Variants in CUX1 observed in about 807,000 individuals in gnomAD.
The protein encoded by CUX1 is protein CASP.
Under a neutral mutation model 158.8 loss-of-function variants are expected in CUX1, and 31 were observed. The observed-to-expected ratio is 0.20, with a 90% CI of 0.15 to 0.26. CUX1 has a LOEUF of 0.26. Ranked by LOEUF, CUX1 falls within the 10% of genes least tolerant of loss-of-function variation. The pLI is 1.00. For synonymous variants in CUX1, 879 were observed against 862.1 expected (o/e 1.02, Z -0.34); for missense variants, 1,589 against 2,014.6 (o/e 0.79, Z 4.04).
rs1423267565 is a variant in CUX1 at position 101,943,354 on chromosome 7, G to A, written c.141+27129G>A. The stretch of plus-strand genomic sequence containing the variant: ...ACTCCTGAGCTCAAGTGATCCACCC[G>A]CCGTGGCCTCCCAAAGTTCTGGGAT... On this transcript the variant is annotated intron_variant, in intron 2 of 23. Transcript: ENST00000292535. Among the ~76,000 whole-genome samples the A allele has an allele frequency of 2.0e-5, 3 of 152,034 alleles. No individual in the cohort carries two copies. In the East Asian group the frequency reaches 5.8e-4, roughly 30 times the overall value.
Position 102,257,363 on chromosome 7 carries a change from T to TTC in CUX1, c.*8323_*8324dup. The TTC allele has an allele frequency of 1.0e-6, 1 of 984,840 alleles. No homozygotes were observed. The highest frequency in any genetic ancestry group is 1.1e-4 in the East Asian group (1 of 8,798). The allele number at this position is 984,840 out of a possible 1,614,324, so 61.0% of individuals were successfully genotyped here. ...ATGCATTTCTCTCTCTCAAACCATCTTCTGCCTCTTCCCTTGAGAAAACGG... is the reference window on the plus strand; with the variant it reads ...ATGCATTTCTCTCTCTCAAACCATCTTCTCTGCCTCTTCCCTTGAGAAAACGG... On this transcript the variant is annotated 3_prime_UTR_variant, in exon 24 of 24. Transcript: ENST00000292535.
chr7:102,159,825 G>C (rs868915747), intron 9 of CUX1, among the ~76,000 whole-genome samples: 1 of 151,072 alleles, frequency 6.6e-6, no homozygotes, highest in Non-Finnish European at 1.5e-5. Context: ...CTAAGCCTGG[G>C]CAACAGAGCA....
At chr7:102,198,372 G>A (rs1457456315) in intron 15 of CUX1, among the ~76,000 whole-genome samples, 1 of 152,242 alleles carries the variant, frequency 6.6e-6, no homozygotes, top group African/African-American at 2.4e-5. Context: ...GAAACACCCT[G>A]AAATTTAGAC....
At chr7:101,833,955 G>A (rs1250018404) in intron 1 of CUX1, among the ~76,000 whole-genome samples, 1 of 152,044 alleles carries the variant, frequency 6.6e-6, no homozygotes, top group African/African-American at 2.4e-5. Flanking sequence ...CACGAGTACC[G>A]AGTAGGTGGG....
At chr7:101,836,140 C>T (rs766966402) in intron 1 of CUX1, among the ~76,000 whole-genome samples, 6 of 152,158 alleles carry the variant, frequency 3.9e-5, no homozygotes, top group Admixed American at 1.3e-4. Flanking sequence ...AGCCATTAGC[C>T]GTCGCTACCT....
chr7:102,271,269 A>C (rs1164316417), intron 14 of CUX1, among the ~76,000 whole-genome samples: 1 of 152,084 alleles, frequency 6.6e-6, no homozygotes, highest in African/African-American at 2.4e-5. Context: ...TTATCCCAGG[A>C]GTCTGTCCCC....
chr7:101,931,497 G>A (rs964835910), intron 2 of CUX1, among the ~76,000 whole-genome samples: 2 of 152,202 alleles, frequency 1.3e-5, no homozygotes, highest in Admixed American at 1.3e-4. Context: ...GTTTATTTCT[G>A]TTTCAAAGAG....
At chr7:102,000,224 AAAAG>A (rs778240426) in intron 2 of CUX1, among the ~76,000 whole-genome samples, 20 of 150,840 alleles carry the variant, frequency 1.3e-4, no homozygotes, top group Non-Finnish European at 2.5e-4. Flanking sequence ...CTCAAAAAAA[AAAAG>A]AGAGAGAGAG....
intron 4 of CUX1, among the ~76,000 whole-genome samples, chr7:102,088,433 G>A (rs1238889458): frequency 6.6e-6 from 1 of 152,056 alleles, no homozygotes; most frequent in Non-Finnish European, 1.5e-5. Flanking sequence ...TGGAGCTGGA[G>A]ACCAGCCTGG....
chr7:102,084,791 G>A (rs1195817743), intron 4 of CUX1, among the ~76,000 whole-genome samples: 2 of 148,604 alleles, frequency 1.3e-5, no homozygotes, highest in Non-Finnish European at 3.0e-5. Context: ...TTGGTTGATA[G>A]TGTTGTTCAT....
intron 2 of CUX1, among the ~76,000 whole-genome samples, chr7:101,956,022 A>T (rs1187999460): frequency 1.3e-5 from 2 of 151,996 alleles, no homozygotes; most frequent in African/African-American, 4.8e-5. Flanking sequence ...CTCTACTAAA[A>T]ATACAAAAAA....
chr7:102,128,137 C>T (rs1050176954), intron 8 of CUX1, among the ~76,000 whole-genome samples: 12 of 152,136 alleles, frequency 7.9e-5, no homozygotes, highest in Admixed American at 2.0e-4. Context: ...CACGCCCAGC[C>T]GGCTGTGGCA....
chr7:102,268,352 G>A (rs537856563), intron 14 of CUX1, among the ~76,000 whole-genome samples: 9 of 152,080 alleles, frequency 5.9e-5, no homozygotes, highest in African/African-American at 1.2e-4. Flanking sequence ...CCACCTCGAC[G>A]ACAACACCTT....
intron 16 of CUX1, among the ~76,000 whole-genome samples, chr7:102,275,064 C>T (rs1288599686): frequency 2.0e-5 from 3 of 152,150 alleles, no homozygotes; most frequent in Non-Finnish European, 2.9e-5. Context: ...TCACGCTCCC[C>T]GGTTCCCCTG....
At chr7:102,050,342 G>C (rs1021265561) in intron 3 of CUX1, among the ~76,000 whole-genome samples, 13 of 152,250 alleles carry the variant, frequency 8.5e-5, no homozygotes, top group African/African-American at 3.1e-4. Flanking sequence ...ATTGATTATA[G>C]GATCCTCTAG....
intron 20 of CUX1, among the ~76,000 whole-genome samples, chr7:102,220,989 C>T (rs1029866315): frequency 6.6e-6 from 1 of 152,090 alleles, no homozygotes; most frequent in Non-Finnish European, 1.5e-5. Context: ...GGATTACAGG[C>T]GTGAGCCACC....
At chr7:102,148,689 T>C (rs1835275841) in intron 8 of CUX1, among the ~76,000 whole-genome samples, 1 of 148,292 alleles carries the variant, frequency 6.7e-6, no homozygotes, top group Non-Finnish European at 1.5e-5. Flanking sequence ...TTAATGTATG[T>C]GTTATATATA....
At chr7:102,110,790 A>G (rs1830806619) in intron 6 of CUX1, among the ~76,000 whole-genome samples, 1 of 152,214 alleles carries the variant, frequency 6.6e-6, no homozygotes, top group Admixed American at 6.5e-5. Context: ...AGACTGTTAC[A>G]TATGATGTCG....
At chr7:101,994,162 A>G (rs776211817) in intron 2 of CUX1, among the ~76,000 whole-genome samples, 1 of 152,056 alleles carries the variant, frequency 6.6e-6, no homozygotes, top group Non-Finnish European at 1.5e-5. Flanking sequence ...TGCCAATTTC[A>G]TCTCCTGAGG....
Sources: allele counts gnomAD v4.1 joint callset (sites outside exome capture counted in the v4.1 genomes callset), GRCh38; gene constraint gnomAD v4.1.1; transcripts MANE v1.5; gene names NCBI Gene and HGNC (gene_info 2026-07-23, HGNC 2026-07-21).